The following SPTBN4 variants were observed in gnomAD, a reference collection of about 807,000 sequenced individuals.
The protein encoded by SPTBN4 is spectrin beta chain, non-erythrocytic 4.
Under a neutral mutation model 277.8 loss-of-function variants are expected in SPTBN4, and 96 were observed. That is an observed-to-expected ratio of 0.35 (90% CI 0.29 to 0.41). The LOEUF (loss-of-function observed/expected upper bound fraction) is 0.41. SPTBN4 is among the 10% of genes least tolerant of loss of function. The pLI is 1.00. For synonymous variants in SPTBN4, 1,481 were observed against 1,580.3 expected, an observed-to-expected ratio of 0.94 and a Z score of 1.49; for missense variants, 3,006 against 3,595.7, an observed-to-expected ratio of 0.84 and a Z score of 4.19.
chr19:40,567,703 C>T lies in SPTBN4; in HGVS notation c.6377C>T (p.Thr2126Ile). The T allele has an allele frequency of 6.4e-7, 1 of 1,553,074 alleles. No homozygotes were observed. Among genetic ancestry groups the T allele is most frequent in the Non-Finnish European group, 8.7e-7 (1 of 1,151,618 alleles). The change falls in exon 31 of 36, where the codon ACC becomes ATC. Residue 2126 changes from threonine (T) to isoleucine (I), a missense_variant. Thr to Ile is a moderately conservative substitution (Grantham distance 89, BLOSUM62 -1). Around this residue, in one of 5 missense-constraint regions of SPTBN4, gnomAD observed 630 missense variants for 677.6 expected, o/e 0.93. Coordinates refer to ENST00000598249, the MANE Select transcript of SPTBN4 (RefSeq NM_020971.3). ...GCGGAACAGAGCAAGCAGCCGCCTA[C>T]CCCACTGCTGGGGCGCAAGTTCTTT... is the stretch of plus-strand genomic sequence containing the variant. Reference protein sequence around the residue: ...IKAEQSKQPPTPLLGRKFFGD... With the variant: ...IKAEQSKQPPIPLLGRKFFGD...
intron 20 of SPTBN4, chr19:40,534,804 C>T (rs1269443717): frequency 1.8e-5 from 3 of 168,970 alleles, no homozygotes; most frequent in Non-Finnish European, 3.9e-5. Context: ...AATGGGGAAA[C>T]TGAGGCACAG....
At chr19:40,494,831 T>G in intron 5 of SPTBN4, 66 bp from the exon 6 acceptor site, 1 of 1,431,036 alleles carries the variant, frequency 7.0e-7, no homozygotes. Context: ...TCCCTCTGTC[T>G]TTTTCCCCTT....
At chr19:40,488,300 T>C (rs2080096341) in intron 3 of SPTBN4, among the ~76,000 whole-genome samples, 1 of 151,700 alleles carries the variant, frequency 6.6e-6, no homozygotes, top group African/African-American at 2.4e-5. Flanking sequence ...GCAGTGTTCG[T>C]TGGTAGGGTG....
At chr19:40,482,447 C>T (rs764230948) in intron 2 of SPTBN4, among the ~76,000 whole-genome samples, 23 of 152,186 alleles carry the variant, frequency 1.5e-4, no homozygotes, top group Middle Eastern at 3.4e-3. Flanking sequence ...CAAGACCAGA[C>T]GGGCTGCATA....
chr19:40,561,060 C>G (rs1390451273), intron 27 of SPTBN4, among the ~76,000 whole-genome samples: 1 of 152,178 alleles, frequency 6.6e-6, no homozygotes, highest in Non-Finnish European at 1.5e-5. Flanking sequence ...GTTGCCCAGG[C>G]TGGAGTGCAG....
chr19:40,533,288 G>T (rs2080698710), intron 19 of SPTBN4, among the ~76,000 whole-genome samples: 1 of 152,088 alleles, frequency 6.6e-6, no homozygotes, highest in South Asian at 2.1e-4. Flanking sequence ...TACTTCCTGG[G>T]CTCTGTGCAC....
At chr19:40,558,561 T>C (rs527414989) in intron 26 of SPTBN4, among the ~76,000 whole-genome samples, 1 of 151,684 alleles carries the variant, frequency 6.6e-6, no homozygotes, top group South Asian at 2.1e-4. Flanking sequence ...CAGCAGGAAA[T>C]TGGGTTGCAG....
intron 12 of SPTBN4, 63 bp from the exon 13 acceptor site, chr19:40,506,173 G>A: frequency 6.5e-7 from 1 of 1,546,096 alleles, no homozygotes; most frequent in Non-Finnish European, 8.7e-7. Flanking sequence ...CATAGGCAAT[G>A]GGGGAGAGGT....
intron 2 of SPTBN4, among the ~76,000 whole-genome samples, chr19:40,479,036 T>G (rs1416915752): frequency 6.6e-6 from 1 of 152,194 alleles, no homozygotes; most frequent in African/African-American, 2.4e-5. Flanking sequence ...AAAGTGCAAA[T>G]ATGACGTAGA....
At chr19:40,487,982 TG>T (rs2080092094) in intron 3 of SPTBN4, 134 bp downstream of exon 3, 2 of 1,050,080 alleles carry the variant, frequency 1.9e-6, no homozygotes, top group South Asian at 2.0e-5. Context: ...AAGGGCCCTG[TG>T]GGTAAGAGGT....
In SPTBN4 at chr19:40,557,348, C is replaced by G. The variant is rs1359962514; in HGVS notation, c.5615C>G (p.Ser1872Cys). The change falls in exon 26 of 36, where the codon TCC (serine) becomes TGC (cysteine). Residue 1872 changes from serine to cysteine, a missense_variant. Around this residue, in one of 5 missense-constraint regions of SPTBN4, gnomAD observed 425 missense variants for 594.7 expected, o/e 0.71. Transcript: ENST00000598249. ...CCTGAGCCGAGACCCAGTGCCAGTT[C>G]CATGCAGCGGACCCTGAGAGCCTTT... ...TPPEPRPSAS[S>C]MQRTLRAFEH... The G allele has an allele frequency of 1.2e-6, 2 of 1,609,634 alleles. No homozygotes were observed. The highest frequency in any genetic ancestry group is 2.2e-5 in the South Asian group (2 of 90,652).
chr19:40,474,979 C>T (rs1368510267), intron 2 of SPTBN4, among the ~76,000 whole-genome samples: 2 of 152,040 alleles, frequency 1.3e-5, no homozygotes, highest in Non-Finnish European at 2.9e-5. Context: ...AAATAACCCT[C>T]CCACCTCGGC....
chr19:40,569,971 C>CACACAG (rs1156878467), intron 32 of SPTBN4, among the ~76,000 whole-genome samples: 1 of 118,218 alleles, frequency 8.5e-6, no homozygotes, highest in Non-Finnish European at 1.9e-5. Context: ...CACACACACA[C>CACACAG]ACAGACACAC....
Position 40,526,090 on chromosome 19 carries a change from C to T in SPTBN4, c.3857+2451C>T, listed in dbSNP as rs555342224. On this transcript the variant is annotated intron_variant, in intron 17 of 35. Coordinates refer to ENST00000598249, the MANE Select transcript of SPTBN4 (RefSeq NM_020971.3). The stretch of plus-strand genomic sequence containing the variant: ...TTAGACCTGGCTTCACCCCTGAATC[C>T]GTGACATTCAGGGCAAGTCACTTAG... 3.6e-4 allele frequency among the ~76,000 whole-genome samples: 54 copies of T among 151,862 alleles called. 1 individual carries two copies. The highest frequency in any genetic ancestry group is 1.2e-3 in the East Asian group (6 of 5,176).
chr19:40,568,333 G>A, intron 31 of SPTBN4, 51 bp downstream of exon 31: 1 of 1,532,528 alleles, frequency 6.5e-7, no homozygotes, highest in Non-Finnish European at 8.8e-7. Context: ...AAAGCGGAGA[G>A]CTCCTAGAAC....
Position 40,560,800 on chromosome 19 carries a change from T to C in SPTBN4, c.5915+397T>C. 1 of 1,094,912 alleles carries C rather than the reference T, an allele frequency of 9.1e-7. No individual in the cohort carries two copies. The highest frequency in any genetic ancestry group is 1.6e-5 in the African/African-American group (1 of 61,920). 67.8% of individuals were successfully genotyped at this position (1,094,912 alleles called of 1,614,324 possible). A position where few individuals can be genotyped will look rare whatever the true frequency, so the allele number is the denominator to read the frequency against. On this transcript the variant is annotated intron_variant, in intron 27 of 35. Transcript: ENST00000598249. This position sits in a 1 kb window ranked among gnomAD's most constrained non-coding sequence, Gnocchi z 5.2. ...GGGCATGGGCTTATTGCTCACATAGTGGTTGGATGTGAGTGTCCAGCAGAA... is the reference window on the plus strand; with the variant it reads ...GGGCATGGGCTTATTGCTCACATAGCGGTTGGATGTGAGTGTCCAGCAGAA...
chr19:40,542,963 G>A (rs1469724210), intron 20 of SPTBN4, among the ~76,000 whole-genome samples: 1 of 152,034 alleles, frequency 6.6e-6, no homozygotes, highest in East Asian at 1.9e-4. Flanking sequence ...GGAGTGATCA[G>A]TAACTCAAAT....
chr19:40,575,659 C>A lies in SPTBN4; in HGVS notation c.*90C>A. 1.4e-6 allele frequency: 2 copies of A among 1,446,704 alleles called. No individual in the cohort carries two copies. The highest frequency in any genetic ancestry group is 2.5e-5 in the East Asian group (1 of 40,142). The allele number at this position is 1,446,704 out of a possible 1,614,324, so 89.6% of individuals were successfully genotyped here. ...ACTTTTTCTTCCGCAGGGGCGGGAG[C>A]CCCTAGTTCCAACACTGAGGACGCG... On this transcript the variant is annotated 3_prime_UTR_variant, in exon 36 of 36. Transcript: ENST00000598249.
At chr19:40,556,635 G>T (rs545029607) in intron 25 of SPTBN4, among the ~76,000 whole-genome samples, 1 of 152,240 alleles carries the variant, frequency 6.6e-6, no homozygotes, top group South Asian at 2.1e-4. Context: ...GCCACAAAAT[G>T]GTAGCCTCTG....
Sources: allele counts gnomAD v4.1 joint callset (sites outside exome capture counted in the v4.1 genomes callset), GRCh38; gene constraint gnomAD v4.1.1; regional missense constraint gnomAD v4.1.1; non-coding constraint Gnocchi (gnomAD v3.1); transcripts MANE v1.5; gene names NCBI Gene and HGNC (gene_info 2026-07-23, HGNC 2026-07-21).